RFX3: variants seen among roughly 807,000 people sequenced by gnomAD.
RFX3 encodes regulatory factor X3.
Under a neutral mutation model 98.6 loss-of-function variants are expected in RFX3, and 14 were observed. The observed-to-expected ratio is 0.14, with a 90% CI of 0.09 to 0.22. RFX3 has a LOEUF of 0.22. Ranked by LOEUF, RFX3 falls within the 10% of genes least tolerant of loss-of-function variation. The pLI, the probability that RFX3 is intolerant of heterozygous loss-of-function variation, is 1.00. For synonymous variants in RFX3, 383 were observed against 328.4 expected (o/e 1.17, Z -1.80); for missense variants, 639 against 926.9 (o/e 0.69, Z 4.03).
chr9:3,368,388 A>C (rs1419974519), intron 2 of RFX3, among the ~76,000 whole-genome samples: 2 of 152,162 alleles, frequency 1.3e-5, no homozygotes, highest in African/African-American at 4.8e-5. Flanking sequence ...ACATTTTTAA[A>C]ACAAAAGAAT....
At chr9:3,397,881 G>C (rs1841059269) in intron 1 of RFX3, among the ~76,000 whole-genome samples, 1 of 152,122 alleles carries the variant, frequency 6.6e-6, no homozygotes, top group Non-Finnish European at 1.5e-5. Flanking sequence ...CAGTTGGTAT[G>C]ACTATAATCT....
chr9:3,509,688 T>G (rs1278233921), intron 1 of RFX3, among the ~76,000 whole-genome samples: 2 of 152,006 alleles, frequency 1.3e-5, no homozygotes, highest in African/African-American at 4.8e-5. Context: ...TTATGCAAAC[T>G]TTGAATGCAG....
intron 1 of RFX3, among the ~76,000 whole-genome samples, chr9:3,416,959 C>G (rs1843037809): frequency 1.3e-5 from 2 of 151,754 alleles, no homozygotes; most frequent in Non-Finnish European, 2.9e-5. Flanking sequence ...TTATAAAAAA[C>G]AAAGACAAAC....
At chr9:3,445,574 G>A (rs974963684) in intron 1 of RFX3, among the ~76,000 whole-genome samples, 3 of 152,058 alleles carry the variant, frequency 2.0e-5, no homozygotes, top group Non-Finnish European at 2.9e-5. Context: ...TGATCACTGC[G>A]TACAGACTCT....
chr9:3,339,560 T>A (rs1321819141), intron 3 of RFX3, among the ~76,000 whole-genome samples: 1 of 152,210 alleles, frequency 6.6e-6, no homozygotes, highest in East Asian at 1.9e-4. Context: ...AGCTCCTGTC[T>A]CACTGATCAT....
intron 1 of RFX3, among the ~76,000 whole-genome samples, chr9:3,433,742 T>C (rs1025035266): frequency 1.4e-4 from 22 of 152,314 alleles, no homozygotes; most frequent in African/African-American, 3.6e-4. Flanking sequence ...AGTAAAAATA[T>C]CTGTCACGCT....
chr9:3,433,697 A>G (rs1844862822), intron 1 of RFX3, among the ~76,000 whole-genome samples: 1 of 152,202 alleles, frequency 6.6e-6, no homozygotes, highest in African/African-American at 2.4e-5. Context: ...CTGTTCAAAC[A>G]TTGCCTATTC....
chr9:3,230,202 T>C (rs1818286498), intron 15 of RFX3, among the ~76,000 whole-genome samples: 1 of 152,204 alleles, frequency 6.6e-6, no homozygotes, highest in African/African-American at 2.4e-5. Context: ...TCTTAGCATT[T>C]CAGAGGCATT....
At chr9:3,275,252 G>A (rs972491452) in intron 9 of RFX3, among the ~76,000 whole-genome samples, 2 of 151,970 alleles carry the variant, frequency 1.3e-5, no homozygotes, top group African/African-American at 2.4e-5. Flanking sequence ...GAATTGCTAC[G>A]CCAAAGGATT....
intron 2 of RFX3, among the ~76,000 whole-genome samples, chr9:3,391,982 C>G (rs1234008176): frequency 6.6e-6 from 1 of 152,092 alleles, no homozygotes; most frequent in Non-Finnish European, 1.5e-5. Flanking sequence ...AACTCTTTCC[C>G]CAACTCAGCT....
intron 1 of RFX3, among the ~76,000 whole-genome samples, chr9:3,455,707 C>T (rs1306634266): frequency 1.3e-5 from 2 of 152,174 alleles, no homozygotes; most frequent in African/African-American, 4.8e-5. Flanking sequence ...AATAATTTCT[C>T]TACACTACAC....
intron 1 of RFX3, among the ~76,000 whole-genome samples, chr9:3,415,704 T>C (rs931575046): frequency 2.0e-5 from 3 of 152,218 alleles, no homozygotes; most frequent in African/African-American, 7.2e-5. Flanking sequence ...TTCACTTGTA[T>C]ATCATGACTT....
chr9:3,502,294 T>C (rs534892384), intron 1 of RFX3, among the ~76,000 whole-genome samples: 316 of 152,104 alleles, frequency 2.1e-3, no homozygotes, highest in Admixed American at 4.7e-3. Context: ...ACTTTTTAAC[T>C]ACTACCATTC....
chr9:3,520,924 T>C (rs2133930032), intron 1 of RFX3, among the ~76,000 whole-genome samples: 1 of 152,324 alleles, frequency 6.6e-6, no homozygotes, highest in Admixed American at 6.5e-5. Context: ...AGGTGATCCT[T>C]CTGCCTCAGT....
In RFX3 at chr9:3,487,748, A is replaced by C. The variant is rs936173750; in HGVS notation, c.-9+37999T>G. 3.9e-5 allele frequency among the ~76,000 whole-genome samples: 6 copies of C among 152,156 alleles called. 1 individual carries two copies. In the South Asian group the frequency reaches 1.0e-3, roughly 26 times the overall value. ...CAAAAATGGACCTGCTCTGCTTCCA[A>C]TTATCCCTCCAAAGGTGTCCCCTGA... On this transcript the variant is annotated intron_variant, in intron 1 of 16. Coordinates refer to ENST00000617270, the MANE Select transcript of RFX3 (RefSeq NM_001282116.2).
At chr9:3,249,022 A>T (rs762248001) in intron 14 of RFX3, among the ~76,000 whole-genome samples, 1 of 152,074 alleles carries the variant, frequency 6.6e-6, no homozygotes, top group Non-Finnish European at 1.5e-5. Flanking sequence ...ATTTAGAATC[A>T]GAGTGATGTG....
At chr9:3,343,427 A>G (rs1024286279) in intron 3 of RFX3, among the ~76,000 whole-genome samples, 2 of 152,196 alleles carry the variant, frequency 1.3e-5, no homozygotes, top group Non-Finnish European at 2.9e-5. Flanking sequence ...GTAGAACAGA[A>G]TAATATGGAA....
At position 3,224,776 on chromosome 9, in the gene RFX3, A is replaced by G. The variant is rs1021847429; in HGVS notation, c.*266T>C. ...TTACTTTTTAATTATAAGAAAACAAAACATTGACATTAAGTGTTGTAAAAA... is the reference window on the plus strand; with the variant it reads ...TTACTTTTTAATTATAAGAAAACAAGACATTGACATTAAGTGTTGTAAAAA... On this transcript the variant is annotated 3_prime_UTR_variant, in exon 17 of 17. Transcript: ENST00000617270. The G allele has an allele frequency of 3.3e-6, 1 of 306,924 alleles. No homozygotes were observed. Among genetic ancestry groups the G allele is most frequent in the African/African-American group, 2.2e-5 (1 of 46,348 alleles). The allele number at this position is 306,924 out of a possible 1,614,324, so 19.0% of individuals were successfully genotyped here.
At chr9:3,393,508 G>A (rs1406352570) in intron 2 of RFX3, among the ~76,000 whole-genome samples, 1 of 152,048 alleles carries the variant, frequency 6.6e-6, no homozygotes, top group East Asian at 1.9e-4. Context: ...GAAAACCAGA[G>A]TGAGTTAAAT....
Sources: allele counts gnomAD v4.1 joint callset (sites outside exome capture counted in the v4.1 genomes callset), GRCh38; gene constraint gnomAD v4.1.1; transcripts MANE v1.5; gene names NCBI Gene and HGNC (gene_info 2026-07-23, HGNC 2026-07-21).